GIGYF2: variants seen among roughly 807,000 people sequenced by gnomAD.
The protein encoded by GIGYF2 is GRB10-interacting GYF protein 2.
Under a neutral mutation model 208.1 loss-of-function variants are expected in GIGYF2, and 25 were observed. That is an observed-to-expected ratio of 0.12 (90% CI 0.09 to 0.17). The LOEUF is 0.17. Ranked by LOEUF, GIGYF2 falls within the 10% of genes least tolerant of loss-of-function variation. The pLI is 1.00. For synonymous variants in GIGYF2, 534 were observed against 543.8 expected (o/e 0.98, Z 0.25); for missense variants, 1,302 against 1,579.4 (o/e 0.82, Z 2.98).
rs10177 is a variant in GIGYF2, at chr2:232,858,453, G to A, written c.*1593G>A. The A allele has an allele frequency of 0.014, 6,198 of 455,182 alleles. 73 individuals carry two copies. Among genetic ancestry groups the A allele is most frequent in the Non-Finnish European group, 0.02 (4,636 of 226,546 alleles). The allele number at this position is 455,182 out of a possible 1,614,324, so 28.2% of individuals were successfully genotyped here. ...AGTTTTTGGATCAAATAGCATGAGG[G>A]GAGAGGAAACCATTAAAAGTTGGGG... On this transcript the variant is annotated 3_prime_UTR_variant, in exon 29 of 29. Transcript: ENST00000373563.
At chr2:232,752,831 C>T (rs1192105274) in intron 5 of GIGYF2, among the ~76,000 whole-genome samples, 4 of 152,068 alleles carry the variant, frequency 2.6e-5, no homozygotes, top group African/African-American at 4.8e-5. Flanking sequence ...TGAGCCACCG[C>T]GCCTGGCCTA....
At chr2:232,740,180 G>C (rs75846353) in intron 3 of GIGYF2, among the ~76,000 whole-genome samples, 6 of 152,054 alleles carry the variant, frequency 3.9e-5, no homozygotes, top group African/African-American at 1.4e-4. Flanking sequence ...CTATTCAGTC[G>C]AGTGTGGTGG....
chr2:232,737,273 A>G (rs1381500287), intron 3 of GIGYF2, among the ~76,000 whole-genome samples: 1 of 152,164 alleles, frequency 6.6e-6, no homozygotes, highest in African/African-American at 2.4e-5. Flanking sequence ...GATACTCTGA[A>G]GTTTTGTTTG....
At chr2:232,735,278 C>G in intron 3 of GIGYF2, 40 bp downstream of exon 3, 1 of 1,387,718 alleles carries the variant, frequency 7.2e-7, no homozygotes, top group Non-Finnish European at 1.0e-6. Flanking sequence ...TATTGGATGA[C>G]TAATACAGTA....
At chr2:232,771,226 C>T (rs894185751) in intron 8 of GIGYF2, 1 of 1,611,104 alleles carries the variant, frequency 6.2e-7, no homozygotes, top group Non-Finnish European at 8.5e-7. Flanking sequence ...CATTAGGATT[C>T]CCCAAGCATC....
chr2:232,740,840 T>G (rs1404461818), intron 3 of GIGYF2, among the ~76,000 whole-genome samples: 2 of 152,192 alleles, frequency 1.3e-5, no homozygotes, highest in Non-Finnish European at 2.9e-5. Flanking sequence ...ATTTCCAGTT[T>G]TCAGAAAGGG....
intron 20 of GIGYF2, among the ~76,000 whole-genome samples, chr2:232,818,748 T>A (rs1700987562): frequency 6.6e-6 from 1 of 152,160 alleles, no homozygotes; most frequent in Admixed American, 6.5e-5. Context: ...CATCTTTCCA[T>A]GTCAAATGTG....
At chr2:232,743,158 G>T (rs1158788374) in intron 3 of GIGYF2, among the ~76,000 whole-genome samples, 1 of 152,164 alleles carries the variant, frequency 6.6e-6, no homozygotes, top group Non-Finnish European at 1.5e-5. Context: ...TGGCAGTGTT[G>T]AGGTTATTGA....
chr2:232,821,233 C>T (rs564518698), intron 21 of GIGYF2, among the ~76,000 whole-genome samples: 4 of 152,280 alleles, frequency 2.6e-5, no homozygotes, highest in South Asian at 2.1e-4. Context: ...GACAAAGTCT[C>T]GCTCTGTTGC....
At chr2:232,836,320 A>C (rs1288527069) in intron 22 of GIGYF2, among the ~76,000 whole-genome samples, 2 of 26,508 alleles carry the variant, frequency 7.5e-5, no homozygotes, top group African/African-American at 2.7e-4. Flanking sequence ...ATATATATAT[A>C]TATATATATA....
At chr2:232,716,594 A>G (rs1487187778) in intron 2 of GIGYF2, among the ~76,000 whole-genome samples, 3 of 151,784 alleles carry the variant, frequency 2.0e-5, no homozygotes, top group African/African-American at 7.3e-5. Flanking sequence ...ATGTTGGCTC[A>G]GCTGGTCTTG....
intron 28 of GIGYF2, among the ~76,000 whole-genome samples, chr2:232,854,488 G>A (rs143161243): frequency 1.3e-5 from 2 of 152,048 alleles, no homozygotes; most frequent in African/African-American, 2.4e-5. Context: ...GTGAGACCTT[G>A]TCTTTAAAAA....
intron 28 of GIGYF2, among the ~76,000 whole-genome samples, chr2:232,852,326 G>A (rs539551687): frequency 2.6e-5 from 4 of 152,168 alleles, no homozygotes; most frequent in Middle Eastern, 3.4e-3. Flanking sequence ...CGGGTGGATC[G>A]CTTGAGGTCA....
intron 28 of GIGYF2, among the ~76,000 whole-genome samples, chr2:232,853,156 T>TA (rs776649244): frequency 9.2e-5 from 14 of 152,274 alleles, no homozygotes; most frequent in Non-Finnish European, 2.1e-4. Flanking sequence ...ATATTTCATA[T>TA]AATTTGTATA....
intron 15 of GIGYF2, among the ~76,000 whole-genome samples, chr2:232,808,979 C>T (rs1234139453): frequency 6.6e-6 from 1 of 152,134 alleles, no homozygotes; most frequent in African/African-American, 2.4e-5. Flanking sequence ...GAGTCTTGCT[C>T]TGTCACCCAG....
intron 5 of GIGYF2, among the ~76,000 whole-genome samples, chr2:232,749,495 ATG>A (rs137927853): frequency 2.1e-4 from 32 of 151,166 alleles, no homozygotes; most frequent in Admixed American, 6.6e-4. Context: ...TCTGTCACCA[ATG>A]TGTGTGTGTG....
chr2:232,809,041 T>C (rs911540971), intron 15 of GIGYF2, among the ~76,000 whole-genome samples: 47 of 152,202 alleles, frequency 3.1e-4, no homozygotes, highest in Admixed American at 9.2e-4. Context: ...GCCTCCCAGG[T>C]TCAAGTGATT....
chr2:232,785,475 C>G (rs575230205), intron 8 of GIGYF2, among the ~76,000 whole-genome samples: 1 of 152,316 alleles, frequency 6.6e-6, no homozygotes, highest in East Asian at 1.9e-4. Context: ...TCCACGAGGT[C>G]TGTGTCACTA....
At chr2:232,718,252 C>T (rs1421822016) in intron 2 of GIGYF2, among the ~76,000 whole-genome samples, 2 of 152,134 alleles carry the variant, frequency 1.3e-5, no homozygotes, top group African/African-American at 4.8e-5. Context: ...CGCCCACCAC[C>T]ATGCCCAGCT....
Sources: allele counts gnomAD v4.1 joint callset (sites outside exome capture counted in the v4.1 genomes callset), GRCh38; gene constraint gnomAD v4.1.1; transcripts MANE v1.5; gene names NCBI Gene and HGNC (gene_info 2026-07-23, HGNC 2026-07-21).